Variants in GALC observed in about 807,000 individuals in gnomAD.
The protein encoded by GALC is galactocerebrosidase.
GALC carries 77 observed loss-of-function variants against 91.8 expected under a neutral mutation model. That is an observed-to-expected ratio of 0.84 (90% CI 0.70 to 1.01). The LOEUF (loss-of-function observed/expected upper bound fraction) is 1.01. GALC is among the 50% of genes least tolerant of loss of function. GALC has a pLI of 0.00. For missense variants in GALC, 882 were observed against 855.9 expected, an observed-to-expected ratio of 1.03 and a Z score of -0.38; for synonymous variants, 357 against 306.7, an observed-to-expected ratio of 1.16 and a Z score of -1.71.
chr14:87,936,914 T>TATATATATA (rs60680373), intron 16 of GALC, among the ~76,000 whole-genome samples: 2,868 of 105,484 alleles, frequency 0.027, 276 homozygotes, highest in African/African-American at 0.068. Flanking sequence ...ATATATATAT[T>TATATATATA]TATTTATTTT....
At chr14:87,984,638 A>T in intron 4 of GALC, 105 bp from the exon 5 acceptor site, 1 of 1,101,894 alleles carries the variant, frequency 9.1e-7, no homozygotes. Context: ...CTAGCAAAAA[A>T]CCAATACAGA....
In GALC at chr14:87,940,077, T is replaced by C. The variant is rs749313198; in HGVS notation, c.1835-96A>G. The C allele has an allele frequency of 2.4e-5, 23 of 960,098 alleles. 1 individual carries two copies. The highest frequency in any genetic ancestry group is 2.8e-4 in the Middle Eastern group (1 of 3,568). 59.5% of individuals were successfully genotyped at this position (960,098 alleles called of 1,614,324 possible). On this transcript the variant is annotated intron_variant, in intron 15 of 16. Transcript: ENST00000261304. ...GGGGTTCTTGAGTGGCATCTGTATG[T>C]AGTAAAGTCAGCCTCAACAGAGAGC...
intron 6 of GALC, among the ~76,000 whole-genome samples, chr14:87,978,889 T>C (rs1465149108): frequency 6.6e-6 from 1 of 151,986 alleles, no homozygotes; most frequent in Non-Finnish European, 1.5e-5. Context: ...TGCTCCTTTG[T>C]ATTATATTTA....
chr14:87,986,575 T>A lies in GALC; in HGVS notation c.356A>T (p.Tyr119Phe). 6.2e-7 allele frequency: 1 copy of A among 1,613,612 alleles called. No individual in the cohort carries two copies. The highest frequency in any genetic ancestry group is 8.5e-7 in the Non-Finnish European group (1 of 1,179,602). The part of the protein sequence containing the change: ...TDGTEPSHMH[Y>F]ALDENYFRGY... Reference sequence around the variant, plus strand: ...TCGGAAATAATTCTCATCTAGTGCATAATGCATGTGGGAGGGCTCAGTGCC... The same window carrying A: ...TCGGAAATAATTCTCATCTAGTGCAAAATGCATGTGGGAGGGCTCAGTGCC... The change falls in exon 4 of 17, where the codon TAT becomes TTT. Residue 119 changes from tyrosine (Y) to phenylalanine (F), a missense_variant. Tyr to Phe is a conservative substitution (Grantham distance 22). Coordinates refer to ENST00000261304, the MANE Select transcript of GALC (RefSeq NM_000153.4).
intron 8 of GALC, 21 bp downstream of exon 8, chr14:87,968,314 A>G: frequency 1.3e-6 from 2 of 1,591,662 alleles, no homozygotes. Context: ...TAAGAACTCT[A>G]AAAGGTTTTT....
chr14:87,934,954 G>A (rs1595183857), intron 16 of GALC, 76 bp from the exon 17 acceptor site: 1 of 1,047,106 alleles, frequency 9.6e-7, no homozygotes, highest in East Asian at 2.4e-5. Context: ...ATCATGTATG[G>A]CCCACTACTT....
chr14:87,938,605 T>A (rs1190310810), intron 16 of GALC, among the ~76,000 whole-genome samples: 1 of 151,938 alleles, frequency 6.6e-6, no homozygotes, highest in East Asian at 1.9e-4. Context: ...ATCCATTTTT[T>A]AAAAAATTAT....
intron 14 of GALC, 91 bp downstream of exon 14, chr14:87,945,462 G>C: frequency 1.1e-6 from 1 of 938,156 alleles, no homozygotes; most frequent in African/African-American, 1.6e-5. Context: ...CTTGAAATAG[G>C]AGGACCATTG....
In GALC at chr14:87,945,841, T is replaced by C. The variant is rs1306989098; in HGVS notation, c.1490-108A>G. The C allele has an allele frequency of 3.5e-6, 3 of 850,208 alleles. No homozygotes were observed. The African/African-American group carries it at 5.2e-5, about 15-fold the overall frequency. 52.7% of individuals were successfully genotyped at this position (850,208 alleles called of 1,614,324 possible). On this transcript the variant is annotated intron_variant, in intron 13 of 16. Transcript: ENST00000261304. ...ACACTTCTGAAAGCTTTTAAATAAATAAATAAAATCTAAACCAAAGTTTAG... is the reference window on the plus strand; with the variant it reads ...ACACTTCTGAAAGCTTTTAAATAAACAAATAAAATCTAAACCAAAGTTTAG...
At position 87,968,504 on chromosome 14, in the gene GALC, G is replaced by A. The variant is rs779576298; in HGVS notation, c.753-14C>T. 1.4e-5 allele frequency: 22 copies of A among 1,612,210 alleles called. No homozygotes were observed. The highest frequency in any genetic ancestry group is 2.2e-5 in the East Asian group (1 of 44,858). ...GGATAATGAGCCCTAGAAAAAAAAA[G>A]GGTGGAAGTCAATGAAAAAAGGTCA... On this transcript the variant is annotated splice_polypyrimidine_tract_variant and intron_variant, in intron 7 of 16. Transcript: ENST00000261304.
At chr14:87,972,341 C>T (rs79466467) in intron 7 of GALC, among the ~76,000 whole-genome samples, 17,203 of 152,032 alleles carry the variant, frequency 0.11, 1,144 homozygotes, top group Non-Finnish European at 0.16. Context: ...TCCATGGTGT[C>T]AGAGGTCAGA....
At chr14:87,981,606 T>C (rs1886752543) in intron 6 of GALC, among the ~76,000 whole-genome samples, 1 of 152,010 alleles carries the variant, frequency 6.6e-6, no homozygotes, top group South Asian at 2.1e-4. Flanking sequence ...GAAACTGCCA[T>C]TTTTTTTCCA....
chr14:87,975,665 G>A (rs1250564178), intron 7 of GALC, among the ~76,000 whole-genome samples: 2 of 151,856 alleles, frequency 1.3e-5, no homozygotes, highest in East Asian at 3.9e-4. Context: ...CTATTTTTGT[G>A]TACATTCAAA....
chr14:87,955,451 G>T (rs1885493389), intron 10 of GALC, among the ~76,000 whole-genome samples: 1 of 151,926 alleles, frequency 6.6e-6, no homozygotes, highest in South Asian at 2.1e-4. Context: ...CAGATCCCTG[G>T]GAATTAAAGG....
chr14:87,970,279 C>A (rs1445098693), intron 7 of GALC, among the ~76,000 whole-genome samples: 1 of 151,978 alleles, frequency 6.6e-6, no homozygotes, highest in Non-Finnish European at 1.5e-5. Flanking sequence ...AAAGAAAACA[C>A]TGTAAAGTAA....
In GALC at chr14:87,934,765, C is replaced by T; in HGVS notation, c.2025G>A (p.Gln675=). 1 of 1,613,274 alleles carries T rather than the reference C, an allele frequency of 6.2e-7. No individual in the cohort carries two copies. The highest frequency in any genetic ancestry group is 8.5e-7 in the Non-Finnish European group (1 of 1,179,490). ...AIGTHSFEFA[Q]FDNFLVEATR Reference sequence around the variant, plus strand: ...TGGCTTCCACAAGAAAGTTGTCAAACTGTGCAAATTCAAAGGAGTGAGTTC... The same window carrying T: ...TGGCTTCCACAAGAAAGTTGTCAAATTGTGCAAATTCAAAGGAGTGAGTTC... Residue 675 remains glutamine (Q), a synonymous_variant, in exon 17 of 17, where the codon CAG becomes CAA. Transcript: ENST00000261304.
At chr14:87,952,889 T>C in intron 10 of GALC, 1 of 1,002,202 alleles carries the variant, frequency 1.0e-6, no homozygotes, top group South Asian at 1.3e-5. Context: ...TGCATTTAAC[T>C]GAAAAGTATC....
chr14:87,954,898 A>G lies in GALC; in HGVS notation c.1162-4150T>C, dbSNP rs1056245304. ...GAAAATATACTATAGGCCAGCTTTA[A>G]TGACTGTAGTTGATGGAAGACATGA... On this transcript the variant is annotated intron_variant, in intron 10 of 16. Coordinates refer to ENST00000261304, the MANE Select transcript of GALC (RefSeq NM_000153.4). The G allele has an allele frequency of 8.2e-6, 13 of 1,578,650 alleles. No homozygotes were observed. In the African/African-American group the frequency reaches 1.6e-4, roughly 20 times the overall value.
intron 7 of GALC, among the ~76,000 whole-genome samples, chr14:87,975,728 G>A (rs1431970287): frequency 2.0e-5 from 3 of 151,300 alleles, no homozygotes; most frequent in African/African-American, 7.3e-5. Flanking sequence ...TCTTCACACT[G>A]GATAAAGAAC....
Sources: allele counts gnomAD v4.1 joint callset (sites outside exome capture counted in the v4.1 genomes callset), GRCh38; gene constraint gnomAD v4.1.1; transcripts MANE v1.5; gene names NCBI Gene and HGNC (gene_info 2026-07-23, HGNC 2026-07-21).